The following GMDS variants were observed in gnomAD, a reference collection of about 807,000 sequenced individuals.
GMDS encodes the protein GDP-mannose 4,6 dehydratase.
GMDS carries 20 observed loss-of-function variants against 49.9 expected under a neutral mutation model. The ratio of observed to expected loss-of-function variants is 0.40; its 90% CI spans 0.28 to 0.58. The LOEUF (loss-of-function observed/expected upper bound fraction) is 0.58. Ranked by LOEUF, GMDS falls within the 20% of genes least tolerant of loss-of-function variation. The pLI is 0.42. For missense variants in GMDS, 362 were observed against 481.4 expected (o/e 0.75, Z 2.32); for synonymous variants, 177 against 178.6 (o/e 0.99, Z 0.07).
chr6:2,073,333 C>A (rs910315716), intron 4 of GMDS, among the ~76,000 whole-genome samples: 1 of 152,204 alleles, frequency 6.6e-6, no homozygotes, highest in African/African-American at 2.4e-5. Context: ...GAAAATGACA[C>A]TCTGTTTATA....
At chr6:1,713,629 C>T (rs943295191) in intron 9 of GMDS, among the ~76,000 whole-genome samples, 3 of 152,200 alleles carry the variant, frequency 2.0e-5, no homozygotes, top group Admixed American at 6.5e-5. Context: ...CACACATACA[C>T]GTACGTGTGT....
chr6:1,897,354 C>T (rs573262115), intron 7 of GMDS, among the ~76,000 whole-genome samples: 5 of 152,246 alleles, frequency 3.3e-5, no homozygotes, highest in African/African-American at 4.8e-5. Context: ...TCTCCAAATA[C>T]GGTCACATTC....
chr6:1,653,752 A>G (rs192559020), intron 9 of GMDS, among the ~76,000 whole-genome samples: 5 of 152,338 alleles, frequency 3.3e-5, no homozygotes, highest in Admixed American at 3.3e-4. Flanking sequence ...TCCACATGCG[A>G]AAGAACACAG....
At chr6:1,626,821 A>AT (rs1193850445) in intron 9 of GMDS, among the ~76,000 whole-genome samples, 2 of 152,274 alleles carry the variant, frequency 1.3e-5, no homozygotes, top group Admixed American at 6.5e-5. Context: ...AGCTCACAAT[A>AT]TAAAAACAAC....
rs147161899 is a variant in GMDS at position 1,777,676 on chromosome 6, T to C, written c.772-35090A>G. The stretch of plus-strand genomic sequence containing the variant: ...GCATTCAGCAGGCATGTGTAGGGAA[T>C]AGAACTAGAGTTTAAATTAGATGAT... On this transcript the variant is annotated intron_variant, in intron 7 of 10. Coordinates refer to ENST00000380815, the MANE Select transcript of GMDS (RefSeq NM_001500.4). Among the ~76,000 whole-genome samples, 510 of 152,266 alleles carry C rather than the reference T, an allele frequency of 3.3e-3. 3 individuals are homozygous for C. Among genetic ancestry groups the C allele is most frequent in the African/African-American group, 0.012 (484 of 41,524 alleles).
chr6:2,040,406 A>C (rs1451266114), intron 4 of GMDS, among the ~76,000 whole-genome samples: 1 of 152,202 alleles, frequency 6.6e-6, no homozygotes, highest in Non-Finnish European at 1.5e-5. Context: ...TGACTGTGGG[A>C]AATTAGAGGC....
At chr6:1,835,429 T>C (rs1430490728) in intron 7 of GMDS, among the ~76,000 whole-genome samples, 1 of 152,016 alleles carries the variant, frequency 6.6e-6, no homozygotes, top group East Asian at 1.9e-4. Flanking sequence ...TTGTAGGGAG[T>C]TGTTATAACA....
intron 4 of GMDS, among the ~76,000 whole-genome samples, chr6:2,062,532 GA>G (rs1005818530): frequency 6.7e-6 from 1 of 150,266 alleles, no homozygotes; most frequent in African/African-American, 2.4e-5. Flanking sequence ...AATAAAATTA[GA>G]AAAAAAAATC....
intron 9 of GMDS, among the ~76,000 whole-genome samples, chr6:1,674,636 G>A (rs1214118442): frequency 7.9e-6 from 1 of 126,396 alleles, no homozygotes; most frequent in Non-Finnish European, 1.6e-5. Flanking sequence ...GCATTCACAC[G>A]GCTCATTGCA....
chr6:1,684,336 G>T (rs981270408), intron 9 of GMDS, among the ~76,000 whole-genome samples: 1 of 152,130 alleles, frequency 6.6e-6, no homozygotes, highest in Non-Finnish European at 1.5e-5. Context: ...GATGAACCGT[G>T]GGCTCACTCA....
At chr6:1,692,207 C>T (rs1765197973) in intron 9 of GMDS, among the ~76,000 whole-genome samples, 1 of 152,236 alleles carries the variant, frequency 6.6e-6, no homozygotes, top group Non-Finnish European at 1.5e-5. Context: ...GGGCCTTCGG[C>T]CACAGACTGA....
intron 1 of GMDS, among the ~76,000 whole-genome samples, chr6:2,206,124 G>A (rs1208069444): frequency 1.3e-5 from 2 of 152,092 alleles, no homozygotes; most frequent in African/African-American, 2.4e-5. Flanking sequence ...CGGGCGTGGT[G>A]GCACATGCCT....
intron 7 of GMDS, among the ~76,000 whole-genome samples, chr6:1,867,005 T>C (rs1758473261): frequency 1.3e-5 from 2 of 152,242 alleles, no homozygotes; most frequent in African/African-American, 4.8e-5. Flanking sequence ...CAATCAGTGT[T>C]ACATTTCAAT....
intron 9 of GMDS, among the ~76,000 whole-genome samples, chr6:1,711,726 TGCA>T (rs1437053127): frequency 6.6e-6 from 1 of 152,212 alleles, no homozygotes; most frequent in Admixed American, 6.5e-5. Flanking sequence ...CCCGGCTGCC[TGCA>T]TACCCCTTCC....
intron 9 of GMDS, among the ~76,000 whole-genome samples, chr6:1,682,969 G>A (rs1465677958): frequency 6.6e-6 from 1 of 152,216 alleles, no homozygotes; most frequent in Non-Finnish European, 1.5e-5. Context: ...GGTCCTAGAA[G>A]CCCCCAATAT....
chr6:1,698,479 TTGAGTATTTTG>T (rs1303231634), intron 9 of GMDS, among the ~76,000 whole-genome samples: 1 of 152,022 alleles, frequency 6.6e-6, no homozygotes, highest in Non-Finnish European at 1.5e-5. Context: ...CCAGAAAGAG[TTGAGTATTTTG>T]TGGTGGCTTC....
chr6:2,232,712 G>A (rs1274960892), intron 1 of GMDS, among the ~76,000 whole-genome samples: 2 of 152,190 alleles, frequency 1.3e-5, no homozygotes, highest in Non-Finnish European at 2.9e-5. Context: ...CTGCGGAACA[G>A]CTCTCAGAGA....
intron 7 of GMDS, among the ~76,000 whole-genome samples, chr6:1,763,180 G>A (rs1446904871): frequency 6.6e-6 from 1 of 152,236 alleles, no homozygotes; most frequent in East Asian, 1.9e-4. Flanking sequence ...GCTGGCAGAT[G>A]TGGGCCACGG....
At chr6:1,845,068 T>C (rs1331968547) in intron 7 of GMDS, among the ~76,000 whole-genome samples, 2 of 152,216 alleles carry the variant, frequency 1.3e-5, no homozygotes, top group Admixed American at 1.3e-4. Flanking sequence ...AAACTGATGA[T>C]GAAATGTGAC....
Sources: gnomAD v4.1 joint callset for allele counts (sites outside exome capture counted in the v4.1 genomes callset) on GRCh38, gnomAD v4.1.1 for gene constraint, MANE v1.5 for transcripts, NCBI Gene and HGNC (gene_info 2026-07-23, HGNC 2026-07-21) for gene names.